The following HS3ST5 variants were observed in gnomAD, a reference collection of about 807,000 sequenced individuals.
HS3ST5 encodes heparan sulfate-glucosamine 3-sulfotransferase 5, also known as heparan sulfate glucosamine 3-O-sulfotransferase 5.
In HS3ST5, 10 loss-of-function variants were observed where a neutral mutation model predicts 25.4. The ratio of observed to expected loss-of-function variants is 0.39; its 90% CI spans 0.24 to 0.67. The LOEUF is 0.67. HS3ST5 is among the 30% of genes least tolerant of loss of function. The probability of loss-of-function intolerance (pLI) is 0.44; values close to 1 mark genes in which losing one functional copy is unlikely to be tolerated. For synonymous variants in HS3ST5, 170 were observed against 162.4 expected (o/e 1.05, Z -0.36); for missense variants, 324 against 420.7 (o/e 0.77, Z 2.01).
rs1554220244 is a variant in HS3ST5, at chr6:114,224,721, C to CA, written c.-145+3863_-145+3864insT. 3.3e-5 allele frequency among the ~76,000 whole-genome samples: 5 copies of CA among 150,534 alleles called. No individual in the cohort carries two copies. In the East Asian group the frequency reaches 7.8e-4, roughly 23 times the overall value. ...ATATACACACACACACACACACACACCGACTTCTTTCTGTTGTGTCTTTCC... is the reference window on the plus strand; with the variant it reads ...ATATACACACACACACACACACACACACGACTTCTTTCTGTTGTGTCTTTCC... On this transcript the variant is annotated intron_variant, in intron 2 of 4. Transcript: ENST00000312719.
chr6:114,078,737 C>T (rs1465129253), intron 3 of HS3ST5, among the ~76,000 whole-genome samples: 1 of 152,148 alleles, frequency 6.6e-6, no homozygotes, highest in Non-Finnish European at 1.5e-5. Context: ...AGTGTTTGTG[C>T]TGGGTAAATT....
rs955424158 is a variant in HS3ST5, at chr6:114,239,408, C to T, written c.-338-10630G>A. 2.6e-5 allele frequency among the ~76,000 whole-genome samples: 4 copies of T among 152,118 alleles called. No individual in the cohort carries two copies. In the South Asian group the frequency reaches 6.2e-4, roughly 24 times the overall value. On this transcript the variant is annotated intron_variant, in intron 1 of 4. Coordinates refer to ENST00000312719, the MANE Select transcript of HS3ST5 (RefSeq NM_153612.4). Reference sequence around the variant, plus strand: ...TACATTTTAACAATTTGCATAAAAGCGCCAAATGGGGCTAAAAGTGGCCCT... The same window carrying T: ...TACATTTTAACAATTTGCATAAAAGTGCCAAATGGGGCTAAAAGTGGCCCT...
intron 2 of HS3ST5, among the ~76,000 whole-genome samples, chr6:114,169,863 G>A (rs1426872871): frequency 6.6e-6 from 1 of 152,104 alleles, no homozygotes; most frequent in Non-Finnish European, 1.5e-5. Context: ...AGTAATTGCA[G>A]GTATTTAGTT....
intron 3 of HS3ST5, among the ~76,000 whole-genome samples, chr6:114,155,191 T>C (rs1017946736): frequency 5.3e-5 from 8 of 152,240 alleles, no homozygotes; most frequent in African/African-American, 1.9e-4. Flanking sequence ...TTGTATTTTA[T>C]TATGATACAA....
intron 3 of HS3ST5, among the ~76,000 whole-genome samples, chr6:114,111,877 C>T (rs1449795036): frequency 2.6e-5 from 4 of 152,154 alleles, no homozygotes; most frequent in South Asian, 4.1e-4. Flanking sequence ...TCAACCGTCA[C>T]GTCCTATTCA....
At chr6:114,340,353 A>G (rs1776775865) in intron 1 of HS3ST5, among the ~76,000 whole-genome samples, 1 of 152,352 alleles carries the variant, frequency 6.6e-6, no homozygotes, top group East Asian at 1.9e-4. Context: ...TGATGTTTCT[A>G]TATGTTTTAT....
intron 1 of HS3ST5, among the ~76,000 whole-genome samples, chr6:114,276,255 C>T (rs2050613): frequency 0.49 from 73,627 of 151,684 alleles, 18,239 homozygotes; most frequent in African/African-American, 0.6. Context: ...GAATCATTGA[C>T]CTATGGGGTT....
At chr6:114,318,923 G>C (rs1308787033) in intron 1 of HS3ST5, among the ~76,000 whole-genome samples, 1 of 151,940 alleles carries the variant, frequency 6.6e-6, no homozygotes, top group Admixed American at 6.6e-5. Flanking sequence ...CCTTTTATTA[G>C]CTCCTATCAG....
chr6:114,075,066 C>T (rs1562185838), intron 3 of HS3ST5, among the ~76,000 whole-genome samples: 2 of 152,206 alleles, frequency 1.3e-5, no homozygotes, highest in Admixed American at 6.5e-5. Context: ...TGAGGACCTG[C>T]CATGCATCAG....
At chr6:114,173,927 G>A (rs1779594076) in intron 2 of HS3ST5, among the ~76,000 whole-genome samples, 1 of 152,110 alleles carries the variant, frequency 6.6e-6, no homozygotes, top group Admixed American at 6.6e-5. Flanking sequence ...CAAATGCTTT[G>A]TTTATTGGCA....
intron 2 of HS3ST5, among the ~76,000 whole-genome samples, chr6:114,188,882 C>T (rs1780356891): frequency 1.3e-5 from 2 of 152,210 alleles, no homozygotes; most frequent in Admixed American, 6.5e-5. Context: ...CTGTTAATTT[C>T]CCTCTTTTGG....
At chr6:114,290,990 C>T (rs925215305) in intron 1 of HS3ST5, among the ~76,000 whole-genome samples, 2 of 151,974 alleles carry the variant, frequency 1.3e-5, no homozygotes, top group African/African-American at 4.8e-5. Flanking sequence ...CTAACAGTGC[C>T]CAATTCCGGG....
chr6:114,279,849 T>C (rs925658468), intron 1 of HS3ST5, among the ~76,000 whole-genome samples: 3 of 151,942 alleles, frequency 2.0e-5, no homozygotes, highest in African/African-American at 4.8e-5. Flanking sequence ...TACTGAGATA[T>C]TACTATGTAG....
chr6:114,062,920 TGTTG>T, intron 3 of HS3ST5, 43 bp from the exon 4 acceptor site: 1 of 1,189,342 alleles, frequency 8.4e-7, no homozygotes, highest in Non-Finnish European at 1.2e-6. Flanking sequence ...TTAGAGGCTC[TGTTG>T]GTTGTCACAG....
chr6:114,120,717 A>AG (rs1776746500), intron 3 of HS3ST5, among the ~76,000 whole-genome samples: 1 of 152,204 alleles, frequency 6.6e-6, no homozygotes, highest in Non-Finnish European at 1.5e-5. Flanking sequence ...TACTTAACAG[A>AG]GAAAAAAAGG....
intron 3 of HS3ST5, among the ~76,000 whole-genome samples, chr6:114,136,227 C>T (rs972125638): frequency 6.6e-6 from 1 of 152,224 alleles, no homozygotes; most frequent in Non-Finnish European, 1.5e-5. Context: ...GTAAGTCCCA[C>T]GTGTCATGGG....
At chr6:114,069,345 CT>C (rs759908690) in intron 3 of HS3ST5, among the ~76,000 whole-genome samples, 187 of 144,816 alleles carry the variant, frequency 1.3e-3, no homozygotes, top group Middle Eastern at 3.5e-3. Flanking sequence ...GTAATATTAT[CT>C]TTTTTTTTTT....
At chr6:114,326,141 T>A (rs907867764) in intron 1 of HS3ST5, among the ~76,000 whole-genome samples, 1 of 151,452 alleles carries the variant, frequency 6.6e-6, no homozygotes, top group African/African-American at 2.5e-5. Flanking sequence ...ATGCCTATAA[T>A]CCTTTGGGAG....
chr6:114,269,250 A>G (rs1773536422), intron 1 of HS3ST5, among the ~76,000 whole-genome samples: 1 of 152,172 alleles, frequency 6.6e-6, no homozygotes, highest in African/African-American at 2.4e-5. Context: ...ACTCACAGTG[A>G]TTAACCATCT....
Sources: gnomAD v4.1 joint callset for allele counts (sites outside exome capture counted in the v4.1 genomes callset) on GRCh38, gnomAD v4.1.1 for gene constraint, MANE v1.5 for transcripts, NCBI Gene and HGNC (gene_info 2026-07-23, HGNC 2026-07-21) for gene names.